The following MRC1 variants were observed in gnomAD, a reference collection of about 807,000 sequenced individuals.
MRC1 encodes the protein mannose receptor C-type 1, also known as macrophage mannose receptor 1.
In MRC1, 62 loss-of-function variants were observed where a neutral mutation model predicts 102.9. The ratio of observed to expected loss-of-function variants is 0.60; its 90% CI spans 0.49 to 0.74. The LOEUF (loss-of-function observed/expected upper bound fraction) is 0.74, where lower values mean the gene tolerates loss of function less well. Ranked by LOEUF, MRC1 falls within the 30% of genes least tolerant of loss-of-function variation. The pLI is 0.00. For synonymous variants in MRC1, 457 were observed against 298.4 expected, an observed-to-expected ratio of 1.53 and a Z score of -5.48; for missense variants, 1,237 against 862.8, an observed-to-expected ratio of 1.43 and a Z score of -5.43.
chr10:17,814,941 C>T (rs1353025969), intron 1 of MRC1, among the ~76,000 whole-genome samples: 4 of 152,036 alleles, frequency 2.6e-5, no homozygotes, highest in Admixed American at 6.6e-5. Context: ...GCCGGGATTA[C>T]AGGCGGGAGC....
intron 21 of MRC1, among the ~76,000 whole-genome samples, chr10:17,884,915 G>T (rs1833570467): frequency 6.6e-6 from 1 of 152,348 alleles, no homozygotes; most frequent in Non-Finnish European, 1.5e-5. Context: ...CGGGACAGCT[G>T]CTAATCCATA....
chr10:17,827,698 G>A lies in MRC1; in HGVS notation c.620G>A (p.Gly207Glu), dbSNP rs1202910499. 1 of 780,708 alleles carries A rather than the reference G, an allele frequency of 1.3e-6. No homozygotes were observed. The highest frequency in any genetic ancestry group is 2.4e-6 in the Non-Finnish European group (1 of 417,984). 48.4% of individuals were successfully genotyped at this position (780,708 alleles called of 1,614,324 possible). Residue 207 changes from glycine to glutamate, a missense_variant, in exon 3 of 30, where the codon GGA becomes GAA. Coordinates refer to ENST00000569591, the MANE Select transcript of MRC1 (RefSeq NM_002438.4). ...GACTATGACACAGACAAGCTATTTG[G>A]ATATTGTCCATTGAAATGTAAGTAC... ...TTDYDTDKLF[G>E]YCPLKFEGSE...
chr10:17,904,017 A>G (rs987396793), intron 26 of MRC1, among the ~76,000 whole-genome samples: 2 of 152,192 alleles, frequency 1.3e-5, no homozygotes, highest in Non-Finnish European at 1.5e-5. Context: ...ATAGTGTACA[A>G]AAACTTTGCT....
chr10:17,883,023 A>C (rs1295865847), intron 21 of MRC1, among the ~76,000 whole-genome samples: 5 of 152,228 alleles, frequency 3.3e-5, no homozygotes, highest in African/African-American at 1.2e-4. Flanking sequence ...AAAAGTGCTG[A>C]ATCTTGGCAG....
rs1203358703 is a variant in MRC1 at position 17,880,660 on chromosome 10, A to ACAG, written c.2858_2860dup (p.Ser953dup). 1.3e-6 allele frequency: 1 copy of ACAG among 780,758 alleles called. No individual in the cohort carries two copies. Among genetic ancestry groups the ACAG allele is most frequent in the Non-Finnish European group, 2.4e-6 (1 of 417,964 alleles). 48.4% of individuals were successfully genotyped at this position (780,758 alleles called of 1,614,324 possible). A position where few individuals can be genotyped will look rare whatever the true frequency, so the allele number is the denominator to read the frequency against. On this transcript the variant is annotated inframe_insertion, in exon 20 of 30. Transcript: ENST00000569591. The stretch of plus-strand genomic sequence containing the variant: ...GGGTGCAAGGAAGGTTGGAATTTCT[A>ACAG]CAGCAACAAGGTACTAGGAAAATTA...
intron 23 of MRC1, among the ~76,000 whole-genome samples, chr10:17,897,643 A>C (rs1833773943): frequency 6.6e-6 from 1 of 152,200 alleles, no homozygotes; most frequent in Non-Finnish European, 1.5e-5. Context: ...CTTGACTTTG[A>C]CTTTTAACGT....
chr10:17,873,232 A>G (rs1833379932), intron 15 of MRC1, among the ~76,000 whole-genome samples: 1 of 152,228 alleles, frequency 6.6e-6, no homozygotes, highest in Non-Finnish European at 1.5e-5. Flanking sequence ...ATTTAAGAAA[A>G]ATAGATTTTC....
At chr10:17,907,215 A>G (rs1046343698) in intron 27 of MRC1, among the ~76,000 whole-genome samples, 15 of 152,230 alleles carry the variant, frequency 9.9e-5, no homozygotes, top group Admixed American at 6.5e-5. Flanking sequence ...TTTGTAGCTA[A>G]GATAGTTTGA....
At chr10:17,839,253 T>A (rs1359026379) in intron 4 of MRC1, among the ~76,000 whole-genome samples, 3 of 152,204 alleles carry the variant, frequency 2.0e-5, no homozygotes, top group African/African-American at 4.8e-5. Flanking sequence ...ATGCCAAACA[T>A]AGTAATTTAG....
intron 27 of MRC1, 122 bp downstream of exon 27, chr10:17,907,121 A>T: frequency 1.4e-6 from 1 of 699,186 alleles, no homozygotes. Flanking sequence ...TTGAAAATTC[A>T]AACTCATATT....
intron 23 of MRC1, among the ~76,000 whole-genome samples, chr10:17,894,519 C>T (rs1304018054): frequency 1.3e-5 from 2 of 150,394 alleles, no homozygotes; most frequent in Non-Finnish European, 2.9e-5. Flanking sequence ...CCTGCTTTAG[C>T]CTCCTGAGTA....
At chr10:17,886,429 T>C (rs1048593100) in intron 22 of MRC1, among the ~76,000 whole-genome samples, 8,847 of 148,796 alleles carry the variant, frequency 0.059, 361 homozygotes, top group South Asian at 0.1. Flanking sequence ...TCTCAACCTA[T>C]TGCCACCCTG....
In MRC1 at chr10:17,894,394, CTTTTTTTTTTT is replaced by C. The variant is rs34625338; in HGVS notation, c.3250+95_3250+105del. 7.3e-4 allele frequency: 295 copies of C among 406,324 alleles called. 1 individual carries two copies. Among genetic ancestry groups the C allele is most frequent in the Non-Finnish European group, 9.8e-4 (232 of 236,484 alleles). 25.2% of individuals were successfully genotyped at this position (406,324 alleles called of 1,614,324 possible). A position where few individuals can be genotyped will look rare whatever the true frequency, so the allele number is the denominator to read the frequency against. On this transcript the variant is annotated intron_variant, in intron 23 of 29. Transcript: ENST00000569591. ...TTTTTCTTTCTTTCTTTCTTTCTTT[CTTTTTTTTTTT>C]TTTTTTTTTTTTGAGGCAGAGTCTC...
At chr10:17,894,834 G>A (rs1833733420) in intron 23 of MRC1, among the ~76,000 whole-genome samples, 1 of 152,102 alleles carries the variant, frequency 6.6e-6, no homozygotes, top group African/African-American at 2.4e-5. Flanking sequence ...ACATGCATTA[G>A]CTCTTTGTCC....
chr10:17,870,661 G>A (rs1005028187), intron 13 of MRC1, among the ~76,000 whole-genome samples, 187 bp from the exon 14 acceptor site: 85 of 152,292 alleles, frequency 5.6e-4, no homozygotes, highest in African/African-American at 2.0e-3. Context: ...CTGTTTTTAA[G>A]ATATTTATGG....
chr10:17,817,364 T>C (rs1589162951), intron 1 of MRC1, among the ~76,000 whole-genome samples: 1 of 152,170 alleles, frequency 6.6e-6, no homozygotes, highest in East Asian at 1.9e-4. Context: ...ACTGGATGTT[T>C]AGTCTTTAAT....
Position 17,894,226 on chromosome 10 carries a change from T to G in MRC1, c.3164T>G (p.Ile1055Ser). The change falls in exon 23 of 30, where the codon ATT becomes AGT. Residue 1055 changes from isoleucine (I) to serine (S), a missense_variant. Transcript: ENST00000569591. ...LSYEDADCVV[I>S]IGGASNEAGK... is the part of the protein sequence containing the mutation. ...AATATACAGGCTGACTGTGTTGTTA[T>G]TATTGGAGGTGCATCAAATGAAGCA... 1.1e-6 allele frequency: 1 copy of G among 872,676 alleles called. No individual in the cohort carries two copies. The highest frequency in any genetic ancestry group is 1.3e-5 in the South Asian group (1 of 76,528). 54.1% of individuals were successfully genotyped at this position (872,676 alleles called of 1,614,324 possible). A position where few individuals can be genotyped will look rare whatever the true frequency, so the allele number is the denominator to read the frequency against.
intron 21 of MRC1, among the ~76,000 whole-genome samples, chr10:17,883,308 T>C (rs1455242241): frequency 1.3e-5 from 2 of 152,112 alleles, no homozygotes; most frequent in East Asian, 3.9e-4. Context: ...TTAAATTTTT[T>C]TGTAGAGAGA....
intron 1 of MRC1, among the ~76,000 whole-genome samples, chr10:17,810,757 T>C (rs916331613): frequency 3.3e-5 from 5 of 152,176 alleles, no homozygotes; most frequent in Non-Finnish European, 5.9e-5. Context: ...AGAAAAGAAG[T>C]ACATAAAAGG....
Sources: gnomAD v4.1 joint callset for allele counts (sites outside exome capture counted in the v4.1 genomes callset) on GRCh38, gnomAD v4.1.1 for gene constraint, MANE v1.5 for transcripts, NCBI Gene and HGNC (gene_info 2026-07-23, HGNC 2026-07-21) for gene names.